KIF16B: variants seen among roughly 807,000 people sequenced by gnomAD.
KIF16B encodes the protein kinesin family member 16B.
A neutral mutation model predicts 156.3 loss-of-function variants in KIF16B; 98 were observed. That is an observed-to-expected ratio of 0.63 (90% confidence interval 0.53 to 0.74). The LOEUF is 0.74. Among genes scored for constraint, KIF16B ranks in the 30% least tolerant of loss-of-function variants. The pLI is 0.00. For synonymous variants in KIF16B, 564 were observed against 583.7 expected (o/e 0.97, Z 0.49); for missense variants, 1,421 against 1,606.5 (o/e 0.88, Z 1.97).
chr20:16,340,018 TCTCA>T (rs1403002908), intron 23 of KIF16B, among the ~76,000 whole-genome samples: 7 of 152,314 alleles, frequency 4.6e-5, no homozygotes, highest in Admixed American at 6.5e-5. Flanking sequence ...ACATGTCCCA[TCTCA>T]CTCAGGGTAT....
intron 1 of KIF16B, among the ~76,000 whole-genome samples, chr20:16,532,591 A>G (rs1038592099): frequency 5.9e-5 from 9 of 152,202 alleles, no homozygotes; most frequent in Admixed American, 1.3e-4. Context: ...CCTGCTCAAC[A>G]AGAGAACAAA....
chr20:16,457,604 A>G (rs1030076773), intron 12 of KIF16B, among the ~76,000 whole-genome samples: 1 of 152,178 alleles, frequency 6.6e-6, no homozygotes, highest in African/African-American at 2.4e-5. Flanking sequence ...GCCATCATCA[A>G]CAGCTGAGTA....
chr20:16,304,173 A>G (rs371142746), intron 25 of KIF16B, among the ~76,000 whole-genome samples: 196 of 152,288 alleles, frequency 1.3e-3, no homozygotes, highest in Non-Finnish European at 2.2e-3. Flanking sequence ...TGAGTTTAGA[A>G]GTTGTTATTA....
chr20:16,437,409 A>G (rs1206559802), intron 12 of KIF16B, among the ~76,000 whole-genome samples: 1 of 152,226 alleles, frequency 6.6e-6, no homozygotes, highest in Non-Finnish European at 1.5e-5. Flanking sequence ...CTGGGAAGGC[A>G]TTGACAATTT....
chr20:16,432,119 C>T (rs8120353), intron 12 of KIF16B, among the ~76,000 whole-genome samples: 19,709 of 151,958 alleles, frequency 0.13, 1,388 homozygotes, highest in Non-Finnish European at 0.17. Flanking sequence ...CTTATCTTGA[C>T]ATCAGGCCCA....
intron 1 of KIF16B, among the ~76,000 whole-genome samples, chr20:16,561,530 G>A (rs2071062410): frequency 6.6e-6 from 1 of 152,002 alleles, no homozygotes; most frequent in Admixed American, 6.6e-5. Flanking sequence ...GAGGTGTGTT[G>A]CCATGAGGGG....
intron 12 of KIF16B, among the ~76,000 whole-genome samples, chr20:16,438,612 A>G (rs2066711385): frequency 6.6e-6 from 1 of 152,114 alleles, no homozygotes; most frequent in African/African-American, 2.4e-5. Context: ...TCCATCTAAC[A>G]AAGGAGAAAC....
intron 15 of KIF16B, among the ~76,000 whole-genome samples, chr20:16,410,317 GTGTA>G (rs935512657): frequency 1.4e-5 from 2 of 146,686 alleles, no homozygotes; most frequent in African/African-American, 5.0e-5. Context: ...GTGTGTGTGT[GTGTA>G]TATGTGTGTG....
rs115108967 is a variant in KIF16B, at chr20:16,541,389, G to A, written c.48-12949C>T. 6.9e-3 allele frequency among the ~76,000 whole-genome samples: 1,056 copies of A among 152,322 alleles called. 19 individuals are homozygous for A. Among genetic ancestry groups the A allele is most frequent in the African/African-American group, 0.024 (991 of 41,570 alleles). ...TGACCTACATCCAAATGCCAACCTC[G>A]AGCGGCAGCTTGTGAGAAACTGGCA... is the stretch of plus-strand genomic sequence containing the variant. On this transcript the variant is annotated intron_variant, in intron 1 of 25. Transcript: ENST00000354981.
intron 17 of KIF16B, among the ~76,000 whole-genome samples, chr20:16,385,192 T>C (rs2065199854): frequency 6.9e-6 from 1 of 145,166 alleles, no homozygotes; most frequent in Non-Finnish European, 1.5e-5. Context: ...AGCGTAACTC[T>C]GTCTCAAAAA....
At chr20:16,351,917 A>G (rs921260680) in intron 23 of KIF16B, among the ~76,000 whole-genome samples, 24 of 152,254 alleles carry the variant, frequency 1.6e-4, no homozygotes, top group African/African-American at 5.8e-4. Flanking sequence ...ATATCCATAC[A>G]GTGGGATGCT....
chr20:16,488,548 T>A (rs940577034), intron 12 of KIF16B, among the ~76,000 whole-genome samples: 4 of 152,034 alleles, frequency 2.6e-5, no homozygotes, highest in African/African-American at 9.7e-5. Flanking sequence ...TCTTAAAGGA[T>A]CACTTCAAAA....
chr20:16,282,807 C>T (rs137989082), intron 25 of KIF16B, among the ~76,000 whole-genome samples: 30 of 152,276 alleles, frequency 2.0e-4, no homozygotes, highest in Non-Finnish European at 3.4e-4. Context: ...GCACTGTGCG[C>T]TGGTGGTGGT....
chr20:16,283,468 C>T (rs182102963), intron 25 of KIF16B, among the ~76,000 whole-genome samples: 78 of 152,242 alleles, frequency 5.1e-4, no homozygotes, highest in Middle Eastern at 3.4e-3. Context: ...AGTGTGTAGG[C>T]GGTGACCAGC....
At chr20:16,477,224 T>C (rs369743466) in intron 12 of KIF16B, among the ~76,000 whole-genome samples, 2 of 126,038 alleles carry the variant, frequency 1.6e-5, no homozygotes, top group South Asian at 5.0e-4. Context: ...AAAAAAAAGG[T>C]GGGGAAGACA....
chr20:16,382,899 C>G (rs1368232172), intron 17 of KIF16B, among the ~76,000 whole-genome samples: 6 of 152,140 alleles, frequency 3.9e-5, no homozygotes. Flanking sequence ...TGATTGGAAA[C>G]AATTACTTAG....
intron 12 of KIF16B, among the ~76,000 whole-genome samples, chr20:16,438,969 G>T (rs141670720): frequency 5.9e-4 from 90 of 152,302 alleles, no homozygotes; most frequent in African/African-American, 2.1e-3. Flanking sequence ...ACAAAAAAGA[G>T]AAGGGAAGGA....
At chr20:16,497,504 G>A (rs2068486108) in intron 11 of KIF16B, 109 bp downstream of exon 11, 2 of 811,032 alleles carry the variant, frequency 2.5e-6, no homozygotes, top group African/African-American at 1.7e-5. Context: ...AGGAGGCTAA[G>A]TGCAATAAAG....
At chr20:16,550,595 C>T (rs1478564330) in intron 1 of KIF16B, among the ~76,000 whole-genome samples, 6 of 138,318 alleles carry the variant, frequency 4.3e-5, no homozygotes, top group Middle Eastern at 8.3e-3. Context: ...TGCAGTGGTG[C>T]GATCAGAGCT....
Sources: allele counts gnomAD v4.1 joint callset (sites outside exome capture counted in the v4.1 genomes callset), GRCh38; gene constraint gnomAD v4.1.1; transcripts MANE v1.5; gene names NCBI Gene and HGNC (gene_info 2026-07-23, HGNC 2026-07-21).